LARGE1: variants seen among roughly 807,000 people sequenced by gnomAD.
LARGE1 encodes the protein xylosyl- and glucuronyltransferase LARGE1.
A neutral mutation model predicts 87.6 loss-of-function variants in LARGE1; 43 were observed. The observed-to-expected ratio is 0.49, with a 90% confidence interval of 0.38 to 0.63. LARGE1 has a LOEUF of 0.63. Ranked by LOEUF, LARGE1 falls within the 30% of genes least tolerant of loss-of-function variation. LARGE1 has a pLI of 0.00. For missense variants in LARGE1, 802 were observed against 1,000.2 expected (o/e 0.80, Z 2.67); for synonymous variants, 434 against 394.6 (o/e 1.10, Z -1.18).
At chr22:33,155,652 C>T in the LARGE1 span, among the ~76,000 whole-genome samples, 9 of 152,128 alleles carry the variant, frequency 5.9e-5, no homozygotes, top group East Asian at 1.9e-4. Context: ...CCTGACAATG[C>T]GATAGAAAAT....
At chr22:33,816,884 G>T (rs1489434017) in intron 1 of LARGE1, among the ~76,000 whole-genome samples, 1 of 152,144 alleles carries the variant, frequency 6.6e-6, no homozygotes, top group Non-Finnish European at 1.5e-5. Context: ...GGAAAAGTGA[G>T]TCTAACGCAC....
chr22:33,290,293 A>G (rs141553001), intron 12 of LARGE1, among the ~76,000 whole-genome samples: 1 of 152,280 alleles, frequency 6.6e-6, no homozygotes, highest in African/African-American at 2.4e-5. Flanking sequence ...GACATAAGGA[A>G]ACGCCGTGCA....
chr22:33,246,312 C>T (rs904790341), intron 11 of LARGE1, among the ~76,000 whole-genome samples: 7 of 152,164 alleles, frequency 4.6e-5, no homozygotes, highest in Non-Finnish European at 1.0e-4. Flanking sequence ...ATTCCTTAAT[C>T]AAGTAACACT....
chr22:33,436,862 C>G (rs1017163583), intron 6 of LARGE1, among the ~76,000 whole-genome samples: 1 of 152,154 alleles, frequency 6.6e-6, no homozygotes, highest in Non-Finnish European at 1.5e-5. Flanking sequence ...GCAATTCCAA[C>G]TCTGGGTTTT....
At chr22:33,414,075 T>C (rs979760763) in intron 7 of LARGE1, among the ~76,000 whole-genome samples, 4 of 152,134 alleles carry the variant, frequency 2.6e-5, no homozygotes, top group African/African-American at 9.7e-5. Flanking sequence ...GATTGCTGGA[T>C]CATATGGTAA....
intron 6 of LARGE1, among the ~76,000 whole-genome samples, chr22:33,445,449 A>G (rs866642106): frequency 9.2e-5 from 14 of 152,104 alleles, no homozygotes; most frequent in Non-Finnish European, 1.8e-4. Flanking sequence ...TAGACATCTG[A>G]AGGAAATCGG....
intron 7 of LARGE1, among the ~76,000 whole-genome samples, chr22:33,397,890 T>G (rs1049078592): frequency 6.6e-6 from 1 of 152,262 alleles, no homozygotes; most frequent in Non-Finnish European, 1.5e-5. Flanking sequence ...TTGCATTTTT[T>G]AATGACTAAT....
chr22:33,254,633 C>T (rs1177337459), intron 11 of LARGE1, among the ~76,000 whole-genome samples: 5 of 152,216 alleles, frequency 3.3e-5, no homozygotes, highest in African/African-American at 1.2e-4. Context: ...GTCACCCAAC[C>T]TCACTGTGGT....
chr22:33,291,543 T>C (rs1328304379), intron 12 of LARGE1, among the ~76,000 whole-genome samples: 6 of 152,108 alleles, frequency 3.9e-5, no homozygotes, highest in Admixed American at 6.6e-5. Context: ...TGGGGCCTTA[T>C]GGGAGGTGTT....
In LARGE1 at chr22:33,173,377, G is replaced by A. The variant is rs1043756587; in HGVS notation, c.1731-6545C>T. On this transcript the variant is annotated intron_variant, in intron 11 of 11. Coordinates refer to the LARGE1 transcript ENST00000608642. ...GCATTAAACATGAAAAGCAATAAACGGTACCAGCCACTGCAAAAACAGACC... is the reference window on the plus strand; with the variant it reads ...GCATTAAACATGAAAAGCAATAAACAGTACCAGCCACTGCAAAAACAGACC... Among the ~76,000 whole-genome samples the A allele has an allele frequency of 3.9e-5, 6 of 152,030 alleles. No individual in the cohort carries two copies. The South Asian group carries it at 1.0e-3, about 26-fold the overall frequency.
intron 1 of LARGE1, among the ~76,000 whole-genome samples, chr22:33,864,887 G>A (rs893421328): frequency 3.3e-5 from 5 of 152,102 alleles, no homozygotes; most frequent in African/African-American, 1.2e-4. Flanking sequence ...GCCTTATCCT[G>A]CAGGCCTCTA....
At chr22:33,834,917 T>C (rs1479339091) in intron 1 of LARGE1, among the ~76,000 whole-genome samples, 66 of 152,228 alleles carry the variant, frequency 4.3e-4, no homozygotes, top group Admixed American at 4.3e-3. Flanking sequence ...GTTTCTATCA[T>C]GTTAATATGC....
At chr22:33,312,311 C>T (rs1353455435) in intron 11 of LARGE1, among the ~76,000 whole-genome samples, 7 of 151,930 alleles carry the variant, frequency 4.6e-5, no homozygotes, top group South Asian at 2.1e-4. Context: ...CCTGGTGGTG[C>T]GCGCCTGTAG....
intron 7 of LARGE1, among the ~76,000 whole-genome samples, chr22:33,401,967 C>T (rs1322215584): frequency 6.6e-6 from 1 of 152,200 alleles, no homozygotes; most frequent in Non-Finnish European, 1.5e-5. Flanking sequence ...TTCAATCCTG[C>T]CCATTCACCC....
At chr22:33,830,094 T>G (rs1036090732) in intron 1 of LARGE1, among the ~76,000 whole-genome samples, 3 of 152,064 alleles carry the variant, frequency 2.0e-5, no homozygotes, top group African/African-American at 7.2e-5. Flanking sequence ...ACAAGGTCCT[T>G]TGGGCCGGGT....
chr22:33,876,423 G>A (rs1230142449), intron 1 of LARGE1, among the ~76,000 whole-genome samples: 1 of 152,182 alleles, frequency 6.6e-6, no homozygotes, highest in African/African-American at 2.4e-5. Context: ...TTCTTGTTCT[G>A]GGAGCTGGTG....
intron 11 of LARGE1, among the ~76,000 whole-genome samples, chr22:33,225,737 C>A (rs1191044590): frequency 4.6e-5 from 7 of 152,206 alleles, no homozygotes; most frequent in East Asian, 1.9e-4. Flanking sequence ...CTAGGCCCCA[C>A]TGTCTGTTGT....
At chr22:33,411,584 A>G (rs2066305677) in intron 7 of LARGE1, among the ~76,000 whole-genome samples, 1 of 152,258 alleles carries the variant, frequency 6.6e-6, no homozygotes, top group South Asian at 2.1e-4. Flanking sequence ...AGAATTTAAA[A>G]TATCCATAAC....
chr22:33,119,294 C>CT, the LARGE1 span, among the ~76,000 whole-genome samples: 1 of 152,150 alleles, frequency 6.6e-6, no homozygotes, highest in South Asian at 2.1e-4. Flanking sequence ...GGGATGATCT[C>CT]TTTAAGTAAG....
Sources: gnomAD v4.1 joint callset for allele counts (sites outside exome capture counted in the v4.1 genomes callset) on GRCh38, gnomAD v4.1.1 for gene constraint, MANE v1.5 for transcripts, NCBI Gene and HGNC (gene_info 2026-07-23, HGNC 2026-07-21) for gene names.